The following THSD7A variants were observed in gnomAD, a reference collection of about 807,000 sequenced individuals.
THSD7A encodes thrombospondin type 1 domain containing 7A, also known as thrombospondin type-1 domain-containing protein 7A.
In THSD7A, 96 loss-of-function variants were observed where a neutral mutation model predicts 231.3. The observed-to-expected ratio is 0.41, with a 90% confidence interval of 0.35 to 0.49. The LOEUF (loss-of-function observed/expected upper bound fraction) is 0.49, where lower values mean the gene tolerates loss of function less well. THSD7A is among the 20% of genes least tolerant of loss of function. The pLI is 0.05. For missense variants in THSD7A, 2,290 were observed against 2,070.2 expected, an observed-to-expected ratio of 1.11 and a Z score of -2.06; for synonymous variants, 940 against 743.3, an observed-to-expected ratio of 1.26 and a Z score of -4.30.
chr7:11,584,110 G>T (rs1415297946), intron 4 of THSD7A, among the ~76,000 whole-genome samples: 1 of 151,978 alleles, frequency 6.6e-6, no homozygotes. Flanking sequence ...CTCCTCCTAG[G>T]TTCCCAAAAT....
intron 4 of THSD7A, among the ~76,000 whole-genome samples, chr7:11,572,642 G>A (rs955597196): frequency 6.6e-6 from 1 of 152,000 alleles, no homozygotes; most frequent in Non-Finnish European, 1.5e-5. Flanking sequence ...TGAATACCTG[G>A]GACTACAGGC....
At chr7:11,505,138 G>A (rs1399135797) in intron 6 of THSD7A, among the ~76,000 whole-genome samples, 1 of 152,106 alleles carries the variant, frequency 6.6e-6, no homozygotes, top group Non-Finnish European at 1.5e-5. Context: ...AATTCATGAA[G>A]CTTTAGAGGA....
chr7:11,692,604 A>G (rs749133730), intron 1 of THSD7A, among the ~76,000 whole-genome samples: 1 of 151,598 alleles, frequency 6.6e-6, no homozygotes, highest in African/African-American at 2.4e-5. Context: ...TTCAGCTTGT[A>G]CCTTCACAGT....
chr7:11,684,393 G>A (rs1434891843), intron 1 of THSD7A, among the ~76,000 whole-genome samples: 2 of 144,692 alleles, frequency 1.4e-5, no homozygotes, highest in African/African-American at 5.0e-5. Context: ...GAGCAATGAG[G>A]CATGAAAAAA....
chr7:11,386,938 GT>G (rs1179507957), intron 23 of THSD7A, among the ~76,000 whole-genome samples: 4 of 152,296 alleles, frequency 2.6e-5, no homozygotes, highest in African/African-American at 9.6e-5. Flanking sequence ...TGGCTAGCCA[GT>G]TTTCCCGACA....
intron 4 of THSD7A, among the ~76,000 whole-genome samples, chr7:11,545,817 CTGCAGAAGAGCA>C (rs1789356499): frequency 6.6e-6 from 1 of 152,182 alleles, no homozygotes; most frequent in African/African-American, 2.4e-5. Flanking sequence ...ACAGAAATAG[CTGCAGAAGAGCA>C]TGGCCAAAGA....
In THSD7A at chr7:11,713,976, GA is replaced by G. The variant is rs1216299320; in HGVS notation, c.191-77016del. The stretch of plus-strand genomic sequence containing the variant: ...TATTAGAATAGAAAGGTAAAGAAAG[GA>G]AAAAACATCAGAGTGCGTCATATAC... On this transcript the variant is annotated intron_variant, in intron 1 of 27. Transcript: ENST00000423059. Among the ~76,000 whole-genome samples the G allele has an allele frequency of 2.7e-5, 4 of 150,536 alleles. 1 individual carries two copies. Among genetic ancestry groups the G allele is most frequent in the Admixed American group, 2.0e-4 (3 of 15,102 alleles).
At chr7:11,800,345 T>C (rs1188539647) in intron 1 of THSD7A, among the ~76,000 whole-genome samples, 1 of 152,136 alleles carries the variant, frequency 6.6e-6, no homozygotes, top group Non-Finnish European at 1.5e-5. Context: ...GGTCAGGAGT[T>C]TGAGACCAGA....
At chr7:11,404,820 AAC>A (rs1783528103) in intron 22 of THSD7A, among the ~76,000 whole-genome samples, 1 of 152,066 alleles carries the variant, frequency 6.6e-6, no homozygotes, top group Admixed American at 6.5e-5. Flanking sequence ...CTACCCACTT[AAC>A]ACATTTTTAG....
At chr7:11,396,408 G>A (rs1022170576) in intron 23 of THSD7A, among the ~76,000 whole-genome samples, 87 of 152,172 alleles carry the variant, frequency 5.7e-4, no homozygotes, top group African/African-American at 1.9e-3. Context: ...AAGAAGAAAA[G>A]AGAGAAGAAT....
intron 1 of THSD7A, among the ~76,000 whole-genome samples, chr7:11,680,425 T>C (rs1482562664): frequency 1.3e-5 from 2 of 152,044 alleles, no homozygotes; most frequent in East Asian, 3.9e-4. Flanking sequence ...ACCTACAGAA[T>C]GGGAGAAAAT....
chr7:11,789,601 TC>T (rs753497160), intron 1 of THSD7A, among the ~76,000 whole-genome samples: 7 of 151,924 alleles, frequency 4.6e-5, no homozygotes, highest in Non-Finnish European at 1.0e-4. Flanking sequence ...CAACATGAGA[TC>T]TACTGTCTTA....
At chr7:11,516,588 G>A (rs543527757) in intron 6 of THSD7A, among the ~76,000 whole-genome samples, 1 of 152,162 alleles carries the variant, frequency 6.6e-6, no homozygotes, top group Non-Finnish European at 1.5e-5. Flanking sequence ...TCTTCAGTGT[G>A]AAATTCTGTC....
chr7:11,696,816 G>C (rs1160249341), intron 1 of THSD7A, among the ~76,000 whole-genome samples: 1 of 151,414 alleles, frequency 6.6e-6, no homozygotes, highest in Non-Finnish European at 1.5e-5. Flanking sequence ...TAGGCATGCA[G>C]CATAAATGAC....
chr7:11,716,314 T>G (rs1017242747), intron 1 of THSD7A, among the ~76,000 whole-genome samples: 8 of 151,524 alleles, frequency 5.3e-5, no homozygotes, highest in Admixed American at 1.3e-4. Context: ...CTAATTCATA[T>G]CTGGTGAGCA....
chr7:11,378,903 C>A, intron 26 of THSD7A, 167 bp downstream of exon 26: 4 of 647,468 alleles, frequency 6.2e-6, no homozygotes, highest in Non-Finnish European at 1.0e-5. Flanking sequence ...AGTTATTTTC[C>A]ATAATGATAG....
chr7:11,605,485 T>C (rs188142979), intron 2 of THSD7A, among the ~76,000 whole-genome samples: 1 of 152,146 alleles, frequency 6.6e-6, no homozygotes, highest in Non-Finnish European at 1.5e-5. Flanking sequence ...CCATCAGCAC[T>C]AACTGGGACC....
intron 2 of THSD7A, among the ~76,000 whole-genome samples, chr7:11,622,483 T>G (rs549634404): frequency 6.6e-6 from 1 of 152,300 alleles, no homozygotes; most frequent in African/African-American, 2.4e-5. Context: ...ATTTTATACC[T>G]ACTTTAAAAT....
chr7:11,652,393 T>C (rs1782538223), intron 1 of THSD7A, among the ~76,000 whole-genome samples: 1 of 151,994 alleles, frequency 6.6e-6, no homozygotes, highest in African/African-American at 2.4e-5. Flanking sequence ...ATGACTTATT[T>C]ACAAGACACT....
Sources: allele counts gnomAD v4.1 joint callset (sites outside exome capture counted in the v4.1 genomes callset), GRCh38; gene constraint gnomAD v4.1.1; transcripts MANE v1.5; gene names NCBI Gene and HGNC (gene_info 2026-07-23, HGNC 2026-07-21).